Variants in ZFHX3 observed in about 807,000 individuals in gnomAD.
ZFHX3 encodes the protein zinc finger homeobox 3, also known as zinc finger homeobox protein 3.
Under a neutral mutation model 279.1 loss-of-function variants are expected in ZFHX3, and 42 were observed. That is an observed-to-expected ratio of 0.15 (90% CI 0.12 to 0.19). ZFHX3 has a LOEUF of 0.19. Ranked by LOEUF, ZFHX3 falls within the 10% of genes least tolerant of loss-of-function variation. The pLI is 1.00. For synonymous variants in ZFHX3, 2,293 were observed against 1,957.8 expected, an observed-to-expected ratio of 1.17 and a Z score of -4.52; for missense variants, 4,981 against 4,754.0, an observed-to-expected ratio of 1.05 and a Z score of -1.40.
intron 8 of ZFHX3, among the ~76,000 whole-genome samples, chr16:73,073,043 T>C (rs889054766): frequency 6.6e-6 from 1 of 151,676 alleles, no homozygotes; most frequent in African/African-American, 2.4e-5. Context: ...ATTACAGGCA[T>C]GCACCACAAT....
In ZFHX3 at chr16:72,959,901, T is replaced by A. The variant is rs1318781495; in HGVS notation, c.245A>T (p.Asn82Ile). Reference sequence around the variant, plus strand: ...GCTGGCAAAGGAGGCCGAACATTCGTTGCAGGTGACCTCCTTGCTGGCGGG... The same window carrying A: ...GCTGGCAAAGGAGGCCGAACATTCGATGCAGGTGACCTCCTTGCTGGCGGG... ...SEPASKEVTC[N>I]ECSASFASLQ... Residue 82 changes from asparagine (N) to isoleucine (I), a missense_variant, in exon 2 of 10, where the codon AAC becomes ATC. Coordinates refer to ENST00000268489, the MANE Select transcript of ZFHX3 (RefSeq NM_006885.4). The A allele has an allele frequency of 6.2e-7, 1 of 1,603,754 alleles. No individual in the cohort carries two copies. Among genetic ancestry groups the A allele is most frequent in the Non-Finnish European group, 8.5e-7 (1 of 1,174,064 alleles).
chr16:73,260,876 G>T (rs759114191), intron 4 of ZFHX3, among the ~76,000 whole-genome samples: 8 of 151,878 alleles, frequency 5.3e-5, no homozygotes, highest in Non-Finnish European at 8.8e-5. Context: ...AGAGACGGGG[G>T]TTTCACCATG....
chr16:72,842,343 A>G (rs1382500215), intron 4 of ZFHX3, among the ~76,000 whole-genome samples: 1 of 151,946 alleles, frequency 6.6e-6, no homozygotes, highest in Admixed American at 6.6e-5. Flanking sequence ...TCAGCCTCCC[A>G]AAGTGTTGGG....
intron 5 of ZFHX3, among the ~76,000 whole-genome samples, chr16:73,241,104 G>C (rs1418880377): frequency 6.6e-6 from 1 of 152,238 alleles, no homozygotes; most frequent in African/African-American, 2.4e-5. Flanking sequence ...CCCACTGGAA[G>C]CTGAAGGACC....
intron 2 of ZFHX3, among the ~76,000 whole-genome samples, chr16:73,471,160 A>C (rs2018659148): frequency 6.6e-6 from 1 of 152,212 alleles, no homozygotes. Context: ...CATAGTCAAC[A>C]ATTAATGGTG....
At chr16:73,726,172 T>C (rs112585737) in intron 1 of ZFHX3, among the ~76,000 whole-genome samples, 1 of 152,018 alleles carries the variant, frequency 6.6e-6, no homozygotes, top group Admixed American at 6.5e-5. Context: ...CTAGAGAAAG[T>C]CTAGGGGCGA....
chr16:72,837,098 G>A (rs561095659), intron 4 of ZFHX3, among the ~76,000 whole-genome samples: 4 of 152,324 alleles, frequency 2.6e-5, no homozygotes, highest in Admixed American at 1.3e-4. Context: ...CAGTAGGACC[G>A]AAGTGCACCA....
At chr16:73,620,840 T>A (rs887876543) in intron 2 of ZFHX3, among the ~76,000 whole-genome samples, 4 of 152,234 alleles carry the variant, frequency 2.6e-5, no homozygotes, top group African/African-American at 9.6e-5. Context: ...AGTTAGTAGA[T>A]GCACGAGAGA....
chr16:72,848,567 AT>A (rs1471567997), intron 4 of ZFHX3, among the ~76,000 whole-genome samples: 1 of 151,952 alleles, frequency 6.6e-6, no homozygotes, highest in Non-Finnish European at 1.5e-5. Context: ...ACTGTGGCTC[AT>A]TTGGTTCCCT....
intron 3 of ZFHX3, among the ~76,000 whole-genome samples, chr16:73,406,461 C>T (rs1453978308): frequency 6.6e-6 from 1 of 152,214 alleles, no homozygotes; most frequent in Admixed American, 6.5e-5. Flanking sequence ...GCTTCTGCTT[C>T]TTTACTATTT....
At chr16:73,652,890 A>T (rs1372663605) in intron 2 of ZFHX3, among the ~76,000 whole-genome samples, 1 of 152,204 alleles carries the variant, frequency 6.6e-6, no homozygotes, top group East Asian at 1.9e-4. Context: ...ATTAAACACA[A>T]AAGTAAATGA....
intron 4 of ZFHX3, among the ~76,000 whole-genome samples, chr16:73,266,510 G>A (rs9929806): frequency 0.066 from 10,024 of 152,242 alleles, 513 homozygotes; most frequent in African/African-American, 0.14. Flanking sequence ...ATGCTACTGT[G>A]AAGGAGTAAT....
At chr16:72,848,090 G>A (rs1180316837) in intron 4 of ZFHX3, among the ~76,000 whole-genome samples, 3 of 152,144 alleles carry the variant, frequency 2.0e-5, no homozygotes, top group Admixed American at 1.3e-4. Context: ...AAAAACACAG[G>A]TCGCCAGCCC....
At chr16:73,695,289 G>A (rs2053187669) in intron 1 of ZFHX3, among the ~76,000 whole-genome samples, 1 of 148,750 alleles carries the variant, frequency 6.7e-6, no homozygotes, top group African/African-American at 2.5e-5. Context: ...AGGCTGGAGT[G>A]CAGTGGCGCG....
chr16:73,794,761 G>A (rs1031345735), intron 1 of ZFHX3, among the ~76,000 whole-genome samples: 2 of 152,116 alleles, frequency 1.3e-5, no homozygotes, highest in Admixed American at 6.6e-5. Flanking sequence ...AAGGGCTATC[G>A]ATTAGACGCT....
intron 7 of ZFHX3, among the ~76,000 whole-genome samples, chr16:73,100,795 CTA>C (rs1966221642): frequency 6.6e-6 from 1 of 152,138 alleles, no homozygotes; most frequent in African/African-American, 2.4e-5. Flanking sequence ...TGGGGTTTCA[CTA>C]TGTTGGCCAG....
chr16:72,889,628 G>T, intron 4 of ZFHX3, 103 bp downstream of exon 4: 2 of 1,106,688 alleles, frequency 1.8e-6, no homozygotes, highest in Non-Finnish European at 2.6e-6. Context: ...ATGAGGACCA[G>T]CTGGATCAGT....
In ZFHX3 at chr16:73,146,841, G is replaced by C. The variant is rs146903659; in HGVS notation, c.-1103-3010C>G. Among the ~76,000 whole-genome samples, 84 of 152,162 alleles carry C rather than the reference G, an allele frequency of 5.5e-4. 1 individual carries two copies. In the East Asian group the frequency reaches 0.015, roughly 28 times the overall value. ...AGCTAATGTTTTTGTATTTTTTGTAGATGTGGAATTTCGCCATGTTGCCCA... is the reference window on the plus strand; with the variant it reads ...AGCTAATGTTTTTGTATTTTTTGTACATGTGGAATTTCGCCATGTTGCCCA... On this transcript the variant is annotated intron_variant, in intron 5 of 17. Coordinates refer to the ZFHX3 transcript ENST00000641206.
chr16:73,678,314 G>T (rs1205011787), intron 2 of ZFHX3, among the ~76,000 whole-genome samples: 1 of 152,154 alleles, frequency 6.6e-6, no homozygotes, highest in African/African-American at 2.4e-5. Context: ...TATTGGGAAT[G>T]AAAGTGTAAA....
Sources: allele counts gnomAD v4.1 joint callset (sites outside exome capture counted in the v4.1 genomes callset), GRCh38; gene constraint gnomAD v4.1.1; transcripts MANE v1.5; gene names NCBI Gene and HGNC (gene_info 2026-07-23, HGNC 2026-07-21).